The following PPARGC1A variants were observed in gnomAD, a reference collection of about 807,000 sequenced individuals.
The protein encoded by PPARGC1A is PPARG coactivator 1 alpha.
In PPARGC1A, 25 loss-of-function variants were observed where a neutral mutation model predicts 88.7. That is an observed-to-expected ratio of 0.28 (90% CI 0.21 to 0.39). PPARGC1A has a LOEUF of 0.39. Among genes scored for constraint, PPARGC1A ranks in the 10% least tolerant of loss-of-function variants. The pLI is 1.00. For missense variants in PPARGC1A, 880 were observed against 968.7 expected (o/e 0.91, Z 1.22); for synonymous variants, 363 against 355.6 (o/e 1.02, Z -0.24).
At chr4:24,378,819 T>A in the PPARGC1A span, among the ~76,000 whole-genome samples, 5 of 152,312 alleles carry the variant, frequency 3.3e-5, no homozygotes, top group East Asian at 9.6e-4. Context: ...GAAGTTCTCT[T>A]AGCAACCCTC....
At chr4:23,926,905 G>C in the PPARGC1A span, among the ~76,000 whole-genome samples, 1 of 152,130 alleles carries the variant, frequency 6.6e-6, no homozygotes, top group Non-Finnish European at 1.5e-5. Context: ...GTGGCTCTCT[G>C]TTATTCATAT....
chr4:23,897,203 T>A (rs1053802820), intron 1 of PPARGC1A, among the ~76,000 whole-genome samples: 3 of 152,218 alleles, frequency 2.0e-5, no homozygotes, highest in Non-Finnish European at 4.4e-5. Context: ...TGGGTGTTTG[T>A]TATTTTGACC....
chr4:23,819,828 A>G (rs373167002), intron 7 of PPARGC1A, among the ~76,000 whole-genome samples: 3 of 152,188 alleles, frequency 2.0e-5, no homozygotes, highest in African/African-American at 7.2e-5. Context: ...CTTGAAGCAC[A>G]GGAATAGATT....
the PPARGC1A span, among the ~76,000 whole-genome samples, chr4:23,959,924 A>T: frequency 1.3e-5 from 2 of 152,126 alleles, no homozygotes; most frequent in African/African-American, 4.8e-5. Flanking sequence ...AGCAGAGGGG[A>T]AACCTTGAGT....
At chr4:23,986,442 T>C in the PPARGC1A span, among the ~76,000 whole-genome samples, 14 of 152,204 alleles carry the variant, frequency 9.2e-5, no homozygotes, top group Non-Finnish European at 1.5e-4. Flanking sequence ...AAGTCTCTAC[T>C]TGCAAGGATA....
intron 10 of PPARGC1A, 123 bp downstream of exon 10, chr4:23,812,624 C>G: frequency 1.4e-6 from 2 of 1,464,334 alleles, no homozygotes; most frequent in Non-Finnish European, 9.2e-7. Context: ...AGCCAAAAGG[C>G]TGAAAATGGC....
At chr4:23,815,706 G>A (rs59976836) in intron 7 of PPARGC1A, among the ~76,000 whole-genome samples, 1 of 152,138 alleles carries the variant, frequency 6.6e-6, no homozygotes, top group Admixed American at 6.5e-5. Flanking sequence ...CAGAGTCCAA[G>A]GAACTTTGAA....
At chr4:24,143,312 G>C in the PPARGC1A span, among the ~76,000 whole-genome samples, 1 of 152,110 alleles carries the variant, frequency 6.6e-6, no homozygotes, top group African/African-American at 2.4e-5. Context: ...CTTCCAATAG[G>C]GGAGGGGGCA....
chr4:23,927,082 A>C, the PPARGC1A span, among the ~76,000 whole-genome samples: 2 of 152,168 alleles, frequency 1.3e-5, no homozygotes, highest in Non-Finnish European at 2.9e-5. Flanking sequence ...CTAACCTACA[A>C]CCTAGCTTAG....
At chr4:24,417,300 T>G in the PPARGC1A span, among the ~76,000 whole-genome samples, 308 of 152,354 alleles carry the variant, frequency 2.0e-3, no homozygotes, top group African/African-American at 7.3e-3. Flanking sequence ...GACTTTTCTT[T>G]TGTAGGGGTA....
chr4:24,075,644 C>G, the PPARGC1A span, among the ~76,000 whole-genome samples: 3,560 of 152,146 alleles, frequency 0.023, 139 homozygotes, highest in African/African-American at 0.075. Context: ...TTGCCATGCT[C>G]TTCTCATGAT....
intron 10 of PPARGC1A, among the ~76,000 whole-genome samples, chr4:23,807,507 C>T (rs1312106017): frequency 6.6e-6 from 1 of 152,158 alleles, no homozygotes; most frequent in African/African-American, 2.4e-5. Context: ...TGCAAGTAAA[C>T]ATACTGGTAA....
intron 2 of PPARGC1A, among the ~76,000 whole-genome samples, chr4:23,868,784 C>G (rs1466103114): frequency 6.6e-6 from 1 of 152,208 alleles, no homozygotes; most frequent in Middle Eastern, 3.2e-3. Flanking sequence ...CAGACCAAAA[C>G]AACCAGTCTT....
the PPARGC1A span, among the ~76,000 whole-genome samples, chr4:24,253,219 G>GT: frequency 6.6e-6 from 1 of 152,082 alleles, no homozygotes; most frequent in Non-Finnish European, 1.5e-5. Context: ...TCAAGCAGCA[G>GT]TTTTAAAACT....
the PPARGC1A span, among the ~76,000 whole-genome samples, chr4:24,160,405 T>C: frequency 6.6e-6 from 1 of 152,206 alleles, no homozygotes; most frequent in Non-Finnish European, 1.5e-5. Context: ...ATTAGCATCG[T>C]ATATTGTAAT....
the PPARGC1A span, among the ~76,000 whole-genome samples, chr4:24,335,471 G>C: frequency 6.6e-6 from 1 of 151,964 alleles, no homozygotes. Flanking sequence ...TCCTCTATAG[G>C]GTTCCTTCCA....
the PPARGC1A span, among the ~76,000 whole-genome samples, chr4:24,397,009 C>G: frequency 6.6e-6 from 1 of 152,096 alleles, no homozygotes; most frequent in African/African-American, 2.4e-5. Context: ...GTGTCAATAA[C>G]TTTAGAATAA....
chr4:24,424,319 A>G, the PPARGC1A span, among the ~76,000 whole-genome samples: 2 of 112,630 alleles, frequency 1.8e-5, no homozygotes, highest in African/African-American at 7.0e-5. Context: ...TCTGTCGCCC[A>G]GGCTCGAGTG....
the PPARGC1A span, among the ~76,000 whole-genome samples, chr4:24,228,373 T>A: frequency 1.3e-5 from 2 of 152,154 alleles, no homozygotes; most frequent in Non-Finnish European, 2.9e-5. Context: ...GCCACTGACC[T>A]AAGCAAATTA....
Sources: allele counts gnomAD v4.1 joint callset (sites outside exome capture counted in the v4.1 genomes callset), GRCh38; gene constraint gnomAD v4.1.1; transcripts MANE v1.5; gene names NCBI Gene and HGNC (gene_info 2026-07-23, HGNC 2026-07-21).